Variants in ANO10 observed in about 807,000 individuals in gnomAD.
The protein encoded by ANO10 is anoctamin-10.
ANO10 carries 77 observed loss-of-function variants against 74.7 expected under a neutral mutation model. That is an observed-to-expected ratio of 1.03 (90% CI 0.86 to 1.25). The LOEUF (loss-of-function observed/expected upper bound fraction) is 1.25, where lower values mean the gene tolerates loss of function less well. Among genes scored for constraint, ANO10 ranks in the 50% most tolerant of loss-of-function variants. The pLI, the probability that ANO10 is intolerant of heterozygous loss-of-function variation, is 0.00. For missense variants in ANO10, 721 were observed against 778.1 expected (o/e 0.93, Z 0.87); for synonymous variants, 279 against 284.9 (o/e 0.98, Z 0.21).
At chr3:43,391,145 T>C (rs2092264734) in intron 12 of ANO10, among the ~76,000 whole-genome samples, 2 of 152,206 alleles carry the variant, frequency 1.3e-5, no homozygotes, top group African/African-American at 4.8e-5. Context: ...ACCACTCATG[T>C]CAGCGTATAT....
chr3:43,540,413 T>A (rs1329695738), intron 11 of ANO10, among the ~76,000 whole-genome samples: 2 of 152,220 alleles, frequency 1.3e-5, no homozygotes, highest in Non-Finnish European at 2.9e-5. Flanking sequence ...AAAAACAGAA[T>A]CTGGCTGTCC....
At chr3:43,604,823 T>A (rs1054479516) in intron 2 of ANO10, among the ~76,000 whole-genome samples, 1 of 152,180 alleles carries the variant, frequency 6.6e-6, no homozygotes. Flanking sequence ...AAGAACAGAC[T>A]TAAGTTCAGT....
chr3:43,691,091 G>A (rs756643002), intron 1 of ANO10: 36 of 1,497,796 alleles, frequency 2.4e-5, no homozygotes, highest in Non-Finnish European at 2.9e-5. Context: ...CACCCTCCGC[G>A]CGGGCCGGGT....
At chr3:43,580,941 A>C (rs2081237762) in intron 4 of ANO10, among the ~76,000 whole-genome samples, 1 of 152,178 alleles carries the variant, frequency 6.6e-6, no homozygotes, top group Non-Finnish European at 1.5e-5. Flanking sequence ...TTTTAACAAT[A>C]CCATAATATT....
intron 11 of ANO10, among the ~76,000 whole-genome samples, chr3:43,469,202 C>A (rs758156722): frequency 6.6e-6 from 1 of 151,370 alleles, no homozygotes; most frequent in South Asian, 2.1e-4. Context: ...ACAACCATGC[C>A]CGGCTAATTT....
At chr3:43,459,233 C>G (rs1203613884) in intron 11 of ANO10, among the ~76,000 whole-genome samples, 1 of 150,988 alleles carries the variant, frequency 6.6e-6, no homozygotes, top group Non-Finnish European at 1.5e-5. Flanking sequence ...ATCTTTTGTT[C>G]TCTTCTTTCG....
intron 11 of ANO10, among the ~76,000 whole-genome samples, chr3:43,508,688 G>A (rs779777301): frequency 2.2e-4 from 34 of 151,644 alleles, no homozygotes; most frequent in Non-Finnish European, 3.5e-4. Flanking sequence ...GCAAACTATC[G>A]CAAGGACAAA....
At chr3:43,400,262 T>C (rs1303479759) in intron 12 of ANO10, among the ~76,000 whole-genome samples, 1 of 150,328 alleles carries the variant, frequency 6.7e-6, no homozygotes, top group African/African-American at 2.5e-5. Flanking sequence ...TACTAGATGG[T>C]AATAAGTGTT....
intron 12 of ANO10, among the ~76,000 whole-genome samples, chr3:43,417,280 C>A (rs1367864462): frequency 6.6e-6 from 1 of 152,158 alleles, no homozygotes; most frequent in African/African-American, 2.4e-5. Flanking sequence ...CGTTCTCTGC[C>A]AACCACATGT....
At chr3:43,440,277 C>A (rs1262130906) in intron 11 of ANO10, among the ~76,000 whole-genome samples, 3 of 151,734 alleles carry the variant, frequency 2.0e-5, no homozygotes, top group African/African-American at 7.2e-5. Flanking sequence ...TTAAAAAAAA[C>A]CAACAAGAAG....
upstream of ANO10, among the ~76,000 whole-genome samples, chr3:43,624,686 C>A (rs1248415935): frequency 6.6e-6 from 1 of 152,128 alleles, no homozygotes; most frequent in African/African-American, 2.4e-5. Context: ...TATAAATTAC[C>A]CAGTCTCAGT....
intron 12 of ANO10, among the ~76,000 whole-genome samples, chr3:43,386,640 GGTGTGTACGTGTGT>G (rs1010173320): frequency 2.3e-5 from 3 of 132,438 alleles, no homozygotes; most frequent in Non-Finnish European, 3.2e-5. Context: ...GTTGTGTGTA[GGTGTGTACGTGTGT>G]GTGTGTGTGT....
rs565738368 is a variant in ANO10, at chr3:43,679,793, G to A, written c.-12+11724C>T. Among the ~76,000 whole-genome samples the A allele has an allele frequency of 2.6e-5, 4 of 152,318 alleles. No homozygotes were observed. The East Asian group carries it at 7.7e-4, about 29-fold the overall frequency. ...CATTTACTGTTCACCAGTATCTGCT[G>A]TTCTGCAGCCTCCACTGGTGATACC... On this transcript the variant is annotated intron_variant, in intron 1 of 3. Transcript: ENST00000413397.
intron 1 of ANO10, among the ~76,000 whole-genome samples, chr3:43,687,096 C>T (rs1387858007): frequency 6.6e-6 from 1 of 151,850 alleles, no homozygotes; most frequent in East Asian, 1.9e-4. Context: ...ATCCTGTGTC[C>T]TTCTTATTAT....
chr3:43,619,853 G>A (rs2083297360), intron 1 of ANO10, among the ~76,000 whole-genome samples: 1 of 143,560 alleles, frequency 7.0e-6, no homozygotes, highest in Non-Finnish European at 1.5e-5. Context: ...TTGGGCAACA[G>A]AGTGAGACCT....
At chr3:43,608,121 A>G (rs1207828871) in intron 1 of ANO10, among the ~76,000 whole-genome samples, 1 of 152,194 alleles carries the variant, frequency 6.6e-6, no homozygotes, top group Non-Finnish European at 1.5e-5. Context: ...ATCTCTATAT[A>G]CCTCCATCAA....
intron 12 of ANO10, among the ~76,000 whole-genome samples, chr3:43,418,554 C>T (rs1003890668): frequency 2.0e-5 from 3 of 152,206 alleles, no homozygotes; most frequent in Non-Finnish European, 4.4e-5. Flanking sequence ...TACTCATCAC[C>T]TGGCTTCAAC....
chr3:43,683,988 C>G (rs546978685), intron 1 of ANO10, among the ~76,000 whole-genome samples: 1 of 152,244 alleles, frequency 6.6e-6, no homozygotes, highest in African/African-American at 2.4e-5. Flanking sequence ...TAGAAGAAAA[C>G]CTAGGCAATA....
intron 1 of ANO10, among the ~76,000 whole-genome samples, chr3:43,630,930 T>C (rs1328640509): frequency 6.6e-6 from 1 of 152,178 alleles, no homozygotes; most frequent in African/African-American, 2.4e-5. Context: ...CAGCTCGTGT[T>C]TGATCGGTTG....
Sources: allele counts gnomAD v4.1 joint callset (sites outside exome capture counted in the v4.1 genomes callset), GRCh38; gene constraint gnomAD v4.1.1; transcripts MANE v1.5; gene names NCBI Gene and HGNC (gene_info 2026-07-23, HGNC 2026-07-21).